Variants in ATRNL1 observed in about 807,000 individuals in gnomAD.
ATRNL1 encodes the protein attractin-like protein 1.
A neutral mutation model predicts 182.7 loss-of-function variants in ATRNL1; 95 were observed. That is an observed-to-expected ratio of 0.52 (90% CI 0.44 to 0.62). The LOEUF (loss-of-function observed/expected upper bound fraction) is 0.62. Ranked by LOEUF, ATRNL1 falls within the 20% of genes least tolerant of loss-of-function variation. The pLI, the probability that ATRNL1 is intolerant of heterozygous loss-of-function variation, is 0.00. For synonymous variants in ATRNL1, 576 were observed against 568.3 expected (o/e 1.01, Z -0.19); for missense variants, 1,471 against 1,679.5 (o/e 0.88, Z 2.17).
At chr10:115,692,908 C>T (rs1273082409) in intron 26 of ATRNL1, among the ~76,000 whole-genome samples, 1 of 151,970 alleles carries the variant, frequency 6.6e-6, no homozygotes, top group East Asian at 1.9e-4. Context: ...AAAGGAGAGT[C>T]CTTGTTTTTT....
chr10:115,668,998 C>T (rs1945606990), intron 26 of ATRNL1, among the ~76,000 whole-genome samples: 1 of 152,016 alleles, frequency 6.6e-6, no homozygotes, highest in South Asian at 2.1e-4. Flanking sequence ...GAAAAAAATG[C>T]TTCGTATTGT....
chr10:115,494,260 T>C (rs1289645423), intron 24 of ATRNL1, among the ~76,000 whole-genome samples: 1 of 152,216 alleles, frequency 6.6e-6, no homozygotes, highest in Non-Finnish European at 1.5e-5. Flanking sequence ...TTTCTACATA[T>C]ACAATCATAT....
At chr10:115,818,026 T>G (rs1950206733) in intron 27 of ATRNL1, among the ~76,000 whole-genome samples, 1 of 152,028 alleles carries the variant, frequency 6.6e-6, no homozygotes, top group South Asian at 2.1e-4. Flanking sequence ...AAACTTTTCC[T>G]TTATTACACA....
intron 8 of ATRNL1, among the ~76,000 whole-genome samples, chr10:115,194,831 C>G (rs1554890659): frequency 6.8e-6 from 1 of 147,244 alleles, no homozygotes; most frequent in African/African-American, 2.6e-5. Context: ...TAATTTCTTG[C>G]TTTTTATTTT....
At chr10:115,765,999 C>T (rs1555074966) in intron 27 of ATRNL1, among the ~76,000 whole-genome samples, 1 of 151,914 alleles carries the variant, frequency 6.6e-6, no homozygotes, top group African/African-American at 2.4e-5. Flanking sequence ...CACTAAAGAT[C>T]TTATCATCAT....
At chr10:115,372,377 C>A (rs1468466426) in intron 19 of ATRNL1, among the ~76,000 whole-genome samples, 3 of 151,866 alleles carry the variant, frequency 2.0e-5, no homozygotes, top group Non-Finnish European at 4.4e-5. Context: ...GGAAACAATC[C>A]CATTTGTCTA....
intron 9 of ATRNL1, among the ~76,000 whole-genome samples, chr10:115,222,092 A>G (rs1014204935): frequency 1.3e-5 from 2 of 152,276 alleles, no homozygotes; most frequent in South Asian, 4.1e-4. Context: ...TTTAAGGTAG[A>G]GAATATTAGG....
chr10:115,779,804 A>C (rs2134185880), intron 27 of ATRNL1, among the ~76,000 whole-genome samples: 1 of 152,228 alleles, frequency 6.6e-6, no homozygotes, highest in Non-Finnish European at 1.5e-5. Flanking sequence ...GGGTTGGTAC[A>C]AAACATATAG....
chr10:115,342,012 C>T (rs1855774237), intron 19 of ATRNL1, among the ~76,000 whole-genome samples: 1 of 151,990 alleles, frequency 6.6e-6, no homozygotes, highest in Non-Finnish European at 1.5e-5. Flanking sequence ...ACGTTGAAAG[C>T]TATTATTGAT....
In ATRNL1 at chr10:115,657,504, T is replaced by C. The variant is rs972289307; in HGVS notation, c.3796-69744T>C. On this transcript the variant is annotated intron_variant, in intron 26 of 28. Coordinates refer to ENST00000355044, the MANE Select transcript of ATRNL1 (RefSeq NM_207303.4). ...ATTCAGTGTTAATAACTGTGCAAAATGTACTTAGTATTTACATAAAAATAT... is the reference window on the plus strand; with the variant it reads ...ATTCAGTGTTAATAACTGTGCAAAACGTACTTAGTATTTACATAAAAATAT... Among the ~76,000 whole-genome samples the C allele has an allele frequency of 4.6e-5, 7 of 152,314 alleles. No homozygotes were observed. The South Asian group carries it at 1.4e-3, about 32-fold the overall frequency.
chr10:115,768,070 T>C (rs1197315635), intron 27 of ATRNL1, among the ~76,000 whole-genome samples: 52 of 152,188 alleles, frequency 3.4e-4, no homozygotes, highest in Admixed American at 3.4e-3. Flanking sequence ...GATTAACTGA[T>C]AGTGTGATAT....
At chr10:115,835,651 G>T (rs745869776) in intron 27 of ATRNL1, among the ~76,000 whole-genome samples, 50 of 152,156 alleles carry the variant, frequency 3.3e-4, no homozygotes, top group Admixed American at 1.5e-3. Context: ...AGCTAATAAA[G>T]AAATTTATCT....
At chr10:115,161,046 A>G (rs1592191130) in intron 6 of ATRNL1, among the ~76,000 whole-genome samples, 1 of 151,920 alleles carries the variant, frequency 6.6e-6, no homozygotes, top group African/African-American at 2.4e-5. Flanking sequence ...TTTGCTGTAT[A>G]TATATATATT....
chr10:115,606,214 A>T (rs150925520), intron 26 of ATRNL1, among the ~76,000 whole-genome samples: 1 of 152,164 alleles, frequency 6.6e-6, no homozygotes, highest in East Asian at 1.9e-4. Context: ...GCAAAAGTTC[A>T]GATAGCAATT....
At chr10:115,692,911 T>C (rs1014954593) in intron 26 of ATRNL1, among the ~76,000 whole-genome samples, 1 of 152,066 alleles carries the variant, frequency 6.6e-6, no homozygotes, top group Non-Finnish European at 1.5e-5. Context: ...GGAGAGTCCT[T>C]GTTTTTTCAT....
intron 15 of ATRNL1, among the ~76,000 whole-genome samples, chr10:115,295,243 A>C (rs1431691795): frequency 6.6e-6 from 1 of 152,106 alleles, no homozygotes; most frequent in African/African-American, 2.4e-5. Context: ...TGCCAGGAAC[A>C]ACCCACAGGG....
At chr10:115,531,529 T>C (rs10444100) in intron 25 of ATRNL1, among the ~76,000 whole-genome samples, 93,702 of 148,914 alleles carry the variant, frequency 0.63, 30,599 homozygotes, top group Non-Finnish European at 0.73. Flanking sequence ...TGGATATTAG[T>C]CCTTTGTCAG....
chr10:115,144,127 C>T (rs1206767246), intron 5 of ATRNL1, among the ~76,000 whole-genome samples: 1 of 151,468 alleles, frequency 6.6e-6, no homozygotes, highest in Non-Finnish European at 1.5e-5. Context: ...TACAGGTGCC[C>T]ACCACCACGC....
intron 24 of ATRNL1, among the ~76,000 whole-genome samples, chr10:115,496,148 T>C (rs1237170433): frequency 2.0e-5 from 3 of 152,212 alleles, no homozygotes; most frequent in African/African-American, 7.2e-5. Context: ...CCCTTGCTGT[T>C]TTCTGTTTTT....
Sources: gnomAD v4.1 joint callset for allele counts (sites outside exome capture counted in the v4.1 genomes callset) on GRCh38, gnomAD v4.1.1 for gene constraint, MANE v1.5 for transcripts, NCBI Gene and HGNC (gene_info 2026-07-23, HGNC 2026-07-21) for gene names.